CDIN1: variants seen among roughly 807,000 people sequenced by gnomAD.
CDIN1 encodes the protein CDAN1-interacting nuclease 1.
CDIN1 carries 33 observed loss-of-function variants against 45.3 expected under a neutral mutation model. The observed-to-expected ratio is 0.73, with a 90% CI of 0.55 to 0.97. The LOEUF is 0.97. Ranked by LOEUF, CDIN1 falls within the 50% of genes least tolerant of loss-of-function variation. CDIN1 has a pLI of 0.00. For missense variants in CDIN1, 303 were observed against 339.4 expected (o/e 0.89, Z 0.84); for synonymous variants, 118 against 124.4 (o/e 0.95, Z 0.34).
chr15:36,675,438 A>T (rs183448764), intron 5 of CDIN1, among the ~76,000 whole-genome samples: 2 of 152,226 alleles, frequency 1.3e-5, no homozygotes, highest in Admixed American at 1.3e-4. Flanking sequence ...TCCAAAGGTG[A>T]TGCTTACAGA....
chr15:36,589,837 A>G (rs982023629), intron 1 of CDIN1, among the ~76,000 whole-genome samples: 1 of 152,210 alleles, frequency 6.6e-6, no homozygotes, highest in African/African-American at 2.4e-5. Flanking sequence ...AACAGAACAC[A>G]GCTAGATCCT....
intron 9 of CDIN1, 98 bp downstream of exon 9, chr15:36,709,386 G>A: frequency 1.3e-6 from 1 of 779,638 alleles, no homozygotes; most frequent in Non-Finnish European, 1.9e-6. Flanking sequence ...ATTATAAATG[G>A]GTGGATAATT....
At position 36,664,365 on chromosome 15, in the gene CDIN1, C is replaced by G. The variant is rs144684492; in HGVS notation, c.346+6460C>G. 4.6e-5 allele frequency among the ~76,000 whole-genome samples: 7 copies of G among 152,284 alleles called. No homozygotes were observed. The East Asian group carries it at 1.4e-3, about 29-fold the overall frequency. On this transcript the variant is annotated intron_variant, in intron 5 of 10. Transcript: ENST00000566621. ...GCACTCCGCATTCTACATGTGAACC[C>G]TCATTTGATTCTTAATTATTCAAGT... is the stretch of plus-strand genomic sequence containing the variant.
chr15:36,800,909 G>GTATATATATATATATATATATATA (rs370036091), intron 10 of CDIN1, among the ~76,000 whole-genome samples: 2 of 22,388 alleles, frequency 8.9e-5, no homozygotes, highest in African/African-American at 1.8e-4. Context: ...GTGTGTGTGT[G>GTATATATATATATATATATATATA]TATATATATA....
At chr15:36,753,308 C>T (rs2053524230) in intron 10 of CDIN1, among the ~76,000 whole-genome samples, 1 of 152,128 alleles carries the variant, frequency 6.6e-6, no homozygotes, top group African/African-American at 2.4e-5. Flanking sequence ...CAAAGTTGCT[C>T]CCATTTTGCA....
At chr15:36,608,837 C>G (rs2038504663) in intron 1 of CDIN1, among the ~76,000 whole-genome samples, 2 of 151,974 alleles carry the variant, frequency 1.3e-5, no homozygotes, top group African/African-American at 4.8e-5. Flanking sequence ...AAGCAATCTC[C>G]TGAATCTCCT....
At chr15:36,727,380 C>T (rs1054332731) in intron 10 of CDIN1, among the ~76,000 whole-genome samples, 1 of 151,338 alleles carries the variant, frequency 6.6e-6, no homozygotes, top group African/African-American at 2.4e-5. Flanking sequence ...ACTTTTTCCC[C>T]CTCAGCATTT....
At chr15:36,632,847 G>C (rs1313990086) in intron 1 of CDIN1, among the ~76,000 whole-genome samples, 1 of 152,162 alleles carries the variant, frequency 6.6e-6, no homozygotes, top group Non-Finnish European at 1.5e-5. Flanking sequence ...AAGTTATTAG[G>C]TTTACTTCAG....
intron 1 of CDIN1, among the ~76,000 whole-genome samples, chr15:36,602,992 A>G (rs1471124133): frequency 1.3e-5 from 2 of 152,164 alleles, no homozygotes; most frequent in East Asian, 3.9e-4. Context: ...TCAAAAAAAA[A>G]AAAAGGTAAG....
intron 1 of CDIN1, chr15:36,618,242 A>G: frequency 1.5e-6 from 1 of 674,046 alleles, no homozygotes; most frequent in South Asian, 1.7e-5. Context: ...AGTGGTTCAG[A>G]ACACTCAACA....
chr15:36,676,858 G>A (rs149610327), intron 5 of CDIN1, among the ~76,000 whole-genome samples: 93 of 152,206 alleles, frequency 6.1e-4, no homozygotes, highest in African/African-American at 2.0e-3. Flanking sequence ...AATCCAGGAG[G>A]GAGGAGGTAA....
chr15:36,685,291 G>A (rs1478742593), intron 5 of CDIN1, among the ~76,000 whole-genome samples: 26 of 151,790 alleles, frequency 1.7e-4, no homozygotes, highest in African/African-American at 5.3e-4. Flanking sequence ...CTTTGTTCTC[G>A]TTGGTTTCAA....
At chr15:36,588,697 T>C (rs1398805489) in intron 1 of CDIN1, among the ~76,000 whole-genome samples, 1 of 152,140 alleles carries the variant, frequency 6.6e-6, no homozygotes, top group Non-Finnish European at 1.5e-5. Context: ...TATTATTATT[T>C]TTTTACTTTG....
chr15:36,787,342 T>C (rs2054517760), intron 10 of CDIN1, among the ~76,000 whole-genome samples: 1 of 152,224 alleles, frequency 6.6e-6, no homozygotes. Flanking sequence ...ATCACTACCA[T>C]TGAAATGTGG....
intron 1 of CDIN1, among the ~76,000 whole-genome samples, chr15:36,637,308 A>G (rs1239805835): frequency 1.3e-5 from 2 of 152,230 alleles, no homozygotes; most frequent in Admixed American, 6.5e-5. Flanking sequence ...AAAATATATG[A>G]AAATATCTGC....
At chr15:36,788,435 T>C (rs2054563760) in intron 10 of CDIN1, among the ~76,000 whole-genome samples, 1 of 152,144 alleles carries the variant, frequency 6.6e-6, no homozygotes, top group Admixed American at 6.5e-5. Flanking sequence ...TCAGGCATAA[T>C]GTTTTAATTT....
Position 36,579,955 on chromosome 15 carries a change from T to A in CDIN1, c.95T>A (p.Phe32Tyr), listed in dbSNP as rs1370436522. Reference protein sequence around the residue: ...RQSLRKLKQRFPSQSQATLLS... With the variant: ...RQSLRKLKQRYPSQSQATLLS... ...AGCCTGAGGAAGCTGAAGCAGAGGT[T>A]TCCCAGGTAAGTGTCCATCTCTCCC... The change falls in exon 1 of 11, where the codon TTT (phenylalanine) becomes TAT (tyrosine). Residue 32 changes from phenylalanine to tyrosine, a missense_variant. Transcript: ENST00000566621. The A allele has an allele frequency of 6.2e-7, 1 of 1,612,892 alleles. No individual in the cohort carries two copies. The highest frequency in any genetic ancestry group is 1.3e-5 in the African/African-American group (1 of 74,938).
chr15:36,623,628 G>A (rs1021192380), intron 1 of CDIN1, among the ~76,000 whole-genome samples: 2 of 152,226 alleles, frequency 1.3e-5, no homozygotes, highest in Admixed American at 6.5e-5. Context: ...TTGCTGTAGC[G>A]TTTGAGGGGA....
At chr15:36,671,304 G>T (rs1328009836) in intron 5 of CDIN1, among the ~76,000 whole-genome samples, 2 of 152,060 alleles carry the variant, frequency 1.3e-5, no homozygotes, top group Non-Finnish European at 2.9e-5. Flanking sequence ...CTTTGTCTGG[G>T]GTTGCTTGTC....
Sources: gnomAD v4.1 joint callset for allele counts (sites outside exome capture counted in the v4.1 genomes callset) on GRCh38, gnomAD v4.1.1 for gene constraint, MANE v1.5 for transcripts, NCBI Gene and HGNC (gene_info 2026-07-23, HGNC 2026-07-21) for gene names.